Variants in PDZD2 observed in about 807,000 individuals in gnomAD.
PDZD2 encodes the protein PDZ domain containing 2, also known as PDZ domain-containing protein 2.
PDZD2 carries 90 observed loss-of-function variants against 220.7 expected under a neutral mutation model. That is an observed-to-expected ratio of 0.41 (90% CI 0.34 to 0.49). The LOEUF (loss-of-function observed/expected upper bound fraction) is 0.49. Ranked by LOEUF, PDZD2 falls within the 20% of genes least tolerant of loss-of-function variation. The pLI is 0.28. For synonymous variants in PDZD2, 1,375 were observed against 1,450.5 expected (o/e 0.95, Z 1.18); for missense variants, 3,174 against 3,608.5 (o/e 0.88, Z 3.08).
At chr5:32,080,394 T>G (rs1741819380) in intron 19 of PDZD2, among the ~76,000 whole-genome samples, 1 of 150,134 alleles carries the variant, frequency 6.7e-6, no homozygotes, top group African/African-American at 2.5e-5. Context: ...GGTTTCTATT[T>G]GAGGGAGATG....
At chr5:31,992,234 G>GA (rs1751276150) in intron 3 of PDZD2, among the ~76,000 whole-genome samples, 1 of 152,094 alleles carries the variant, frequency 6.6e-6, no homozygotes, top group South Asian at 2.1e-4. Context: ...GGATAAAAGT[G>GA]AAAAAGAAGG....
Position 32,071,385 on chromosome 5 carries a change from T to G in PDZD2, c.2535T>G (p.Gly845=). The change falls in exon 16 of 25, where the codon GGT becomes GGG. Residue 845 remains glycine, a splice_region_variant and synonymous_variant. Transcript: ENST00000438447. ...TATGGTGAATTTTCCCTCCAACAGGTACCCCCTTGAAGAGTCCCTCTCTTG... is the reference window on the plus strand; with the variant it reads ...TATGGTGAATTTTCCCTCCAACAGGGACCCCCTTGAAGAGTCCCTCTCTTG... The part of the protein sequence containing the change: ...SKEANSSPGL[G]TPLKSPSLAK... 6.2e-7 allele frequency: 1 copy of G among 1,606,670 alleles called. No individual in the cohort carries two copies. The highest frequency in any genetic ancestry group is 8.5e-7 in the Non-Finnish European group (1 of 1,173,166).
intron 14 of PDZD2, among the ~76,000 whole-genome samples, chr5:32,068,871 C>G (rs1194272567): frequency 1.3e-5 from 2 of 152,010 alleles, no homozygotes; most frequent in Non-Finnish European, 2.9e-5. Flanking sequence ...GTAGGGAGGA[C>G]ATGCATGTAA....
chr5:31,930,031 T>G (rs1041852596), intron 2 of PDZD2, among the ~76,000 whole-genome samples: 1 of 152,076 alleles, frequency 6.6e-6, no homozygotes, highest in Non-Finnish European at 1.5e-5. Flanking sequence ...TCGTGCCATG[T>G]GAAGTGCCTG....
intron 2 of PDZD2, among the ~76,000 whole-genome samples, chr5:31,945,807 C>G (rs1014013149): frequency 2.6e-5 from 4 of 152,062 alleles, no homozygotes; most frequent in African/African-American, 9.7e-5. Flanking sequence ...AGGATGGGGA[C>G]AGGTGCACAG....
intron 24 of PDZD2, among the ~76,000 whole-genome samples, chr5:32,104,676 C>T (rs1392437320): frequency 5.5e-5 from 7 of 126,960 alleles, no homozygotes; most frequent in African/African-American, 1.5e-4. Flanking sequence ...GCCAGGACCA[C>T]ACCACTGCAC....
At chr5:31,709,938 A>G (rs1748009267) in intron 1 of PDZD2, among the ~76,000 whole-genome samples, 2 of 152,248 alleles carry the variant, frequency 1.3e-5, no homozygotes, top group Admixed American at 1.3e-4. Flanking sequence ...CCTGGGCAAC[A>G]GAGTGAGACT....
intron 1 of PDZD2, among the ~76,000 whole-genome samples, chr5:31,667,794 T>C: frequency 6.7e-6 from 1 of 148,858 alleles, no homozygotes; most frequent in East Asian, 2.0e-4. Context: ...GCAATGTTGC[T>C]GGGCCCTGCT....
At chr5:32,007,648 T>A (rs1008743517) in intron 5 of PDZD2, among the ~76,000 whole-genome samples, 13 of 152,224 alleles carry the variant, frequency 8.5e-5, no homozygotes, top group African/African-American at 3.1e-4. Context: ...TTCATTTATT[T>A]TTTGGTCCTC....
chr5:31,884,874 C>A (rs954770659), intron 2 of PDZD2, among the ~76,000 whole-genome samples: 4 of 152,116 alleles, frequency 2.6e-5, no homozygotes, highest in Non-Finnish European at 5.9e-5. Flanking sequence ...AACTCTTGGC[C>A]TCAAATGATC....
chr5:32,047,269 C>G (rs1027389049), intron 7 of PDZD2, among the ~76,000 whole-genome samples: 5 of 151,984 alleles, frequency 3.3e-5, no homozygotes, highest in Non-Finnish European at 5.9e-5. Context: ...CCAGAATAGC[C>G]AAAATTAAAG....
chr5:31,702,240 A>G (rs1747640626), intron 1 of PDZD2, among the ~76,000 whole-genome samples: 1 of 152,114 alleles, frequency 6.6e-6, no homozygotes. Flanking sequence ...TTTGTCTCAT[A>G]TAATCTTTAA....
chr5:31,855,068 G>A (rs1758318844), intron 2 of PDZD2: 3 of 985,364 alleles, frequency 3.0e-6, no homozygotes, highest in African/African-American at 1.7e-5. Context: ...GGGGCGCGGA[G>A]ACCGGCCTGG....
At chr5:31,859,062 A>G (rs1010528877) in intron 2 of PDZD2, among the ~76,000 whole-genome samples, 2 of 152,052 alleles carry the variant, frequency 1.3e-5, no homozygotes, top group Non-Finnish European at 1.5e-5. Flanking sequence ...AGACCTGCCA[A>G]GTGGTCCTGT....
chr5:32,107,312 A>C (rs1345952371), intron 24 of PDZD2: 1 of 152,226 alleles, frequency 6.6e-6, no homozygotes, highest in African/African-American at 2.4e-5. Context: ...ACTGATTCTC[A>C]GAACTTGCAT....
chr5:32,047,322 C>G (rs960497927), intron 7 of PDZD2, among the ~76,000 whole-genome samples: 1 of 152,216 alleles, frequency 6.6e-6, no homozygotes, highest in Non-Finnish European at 1.5e-5. Context: ...GATTCTAGAA[C>G]TTCCCTGTGC....
intron 1 of PDZD2, among the ~76,000 whole-genome samples, chr5:31,744,872 C>T (rs1278385849): frequency 6.6e-6 from 1 of 151,810 alleles, no homozygotes; most frequent in Non-Finnish European, 1.5e-5. Flanking sequence ...AGATTGAGAC[C>T]ATCCTGGCTA....
chr5:32,080,715 T>C (rs893941552), intron 19 of PDZD2, among the ~76,000 whole-genome samples: 1 of 152,184 alleles, frequency 6.6e-6, no homozygotes, highest in Non-Finnish European at 1.5e-5. Flanking sequence ...GTAGTACATA[T>C]ACACTATGGA....
At chr5:31,918,704 A>G (rs1421846609) in intron 2 of PDZD2, among the ~76,000 whole-genome samples, 1 of 152,174 alleles carries the variant, frequency 6.6e-6, no homozygotes, top group African/African-American at 2.4e-5. Flanking sequence ...AAAAAGATGA[A>G]GGTTACAGTG....
Sources: allele counts gnomAD v4.1 joint callset (sites outside exome capture counted in the v4.1 genomes callset), GRCh38; gene constraint gnomAD v4.1.1; transcripts MANE v1.5; gene names NCBI Gene and HGNC (gene_info 2026-07-23, HGNC 2026-07-21).